The following EIF3H variants were observed in gnomAD, a reference collection of about 807,000 sequenced individuals.
The protein encoded by EIF3H is eukaryotic translation initiation factor 3 subunit H.
EIF3H carries 26 observed loss-of-function variants against 44.2 expected under a neutral mutation model. The ratio of observed to expected loss-of-function variants is 0.59; its 90% CI spans 0.43 to 0.82. EIF3H has a LOEUF of 0.82. Among genes scored for constraint, EIF3H ranks in the 40% least tolerant of loss-of-function variants. EIF3H has a pLI of 0.00. For missense variants in EIF3H, 359 were observed against 432.8 expected (o/e 0.83, Z 1.51); for synonymous variants, 166 against 151.9 (o/e 1.09, Z -0.68).
chr8:116,668,025 C>G (rs1813696115), intron 2 of EIF3H, among the ~76,000 whole-genome samples: 1 of 152,134 alleles, frequency 6.6e-6, no homozygotes, highest in Non-Finnish European at 1.5e-5. Flanking sequence ...AGTTTATTAA[C>G]CCCATCCTCA....
chr8:116,735,815 C>T (rs962093000), intron 1 of EIF3H, among the ~76,000 whole-genome samples: 7 of 148,638 alleles, frequency 4.7e-5, no homozygotes, highest in East Asian at 2.0e-4. Context: ...AAAAAAAAAA[C>T]GTAACACAGC....
At chr8:116,732,728 GC>G in intron 1 of EIF3H, among the ~76,000 whole-genome samples, 1 of 152,156 alleles carries the variant, frequency 6.6e-6, no homozygotes, top group East Asian at 1.9e-4. Context: ...CCTCTGCCAG[GC>G]CCTGGGAATA....
chr8:116,650,454 A>G (rs2130778445), intron 5 of EIF3H, among the ~76,000 whole-genome samples: 1 of 152,344 alleles, frequency 6.6e-6, no homozygotes, highest in Admixed American at 6.5e-5. Context: ...CATGTATGTT[A>G]ATAGCTACAT....
intron 2 of EIF3H, among the ~76,000 whole-genome samples, chr8:116,673,328 A>G (rs958717807): frequency 1.1e-4 from 17 of 152,218 alleles, no homozygotes; most frequent in Admixed American, 1.1e-3. Context: ...TAATATTTCA[A>G]TTACGGGGAT....
At chr8:116,734,852 T>C (rs374545129) in intron 1 of EIF3H, among the ~76,000 whole-genome samples, 206 of 152,320 alleles carry the variant, frequency 1.4e-3, no homozygotes, top group African/African-American at 4.8e-3. Flanking sequence ...TGAGCCACCA[T>C]GCCAAGCAGG....
chr8:116,685,663 T>C (rs1814063778), intron 2 of EIF3H, among the ~76,000 whole-genome samples: 1 of 152,130 alleles, frequency 6.6e-6, no homozygotes, highest in Non-Finnish European at 1.5e-5. Flanking sequence ...ACTGAGCAAG[T>C]CCAGGTGACC....
chr8:116,743,351 C>A (rs1429970178), intron 1 of EIF3H, among the ~76,000 whole-genome samples: 1 of 152,036 alleles, frequency 6.6e-6, no homozygotes, highest in African/African-American at 2.4e-5. Context: ...TACTAGAAGG[C>A]TGAGGAGGAG....
rs1300013187 is a variant in EIF3H at position 116,658,801 on chromosome 8, C to A, written c.457+12G>T. The A allele has an allele frequency of 6.2e-7, 1 of 1,602,672 alleles. No individual in the cohort carries two copies. Among genetic ancestry groups the A allele is most frequent in the Admixed American group, 1.8e-5 (1 of 56,930 alleles). On this transcript the variant is annotated intron_variant, in intron 3 of 7. Coordinates refer to ENST00000521861, the MANE Select transcript of EIF3H (RefSeq NM_003756.3). ...TATTAAGGGAAAAAAGAATAATAAA[C>A]CTCCTACTAACCATAAATGAGAACG...
At chr8:116,725,963 T>C in intron 2 of EIF3H, 53 bp downstream of exon 2, 8 of 1,567,984 alleles carry the variant, frequency 5.1e-6, no homozygotes, top group Non-Finnish European at 6.9e-6. Context: ...GAGACCTGTG[T>C]CAATATCCAT....
rs188275295 is a variant in EIF3H at position 116,761,264 on chromosome 8, C to A, written c.-27+4251G>T. On this transcript the variant is annotated intron_variant, in intron 1 of 9. Transcript: ENST00000276682. ...AGGTGGCTCACACCTGTAATCCCAG[C>A]ACTTTAGGAGGCCAAGGTGGGCAGA... 1.8e-3 allele frequency among the ~76,000 whole-genome samples: 275 copies of A among 152,294 alleles called. 1 individual carries two copies. Among genetic ancestry groups the A allele is most frequent in the Non-Finnish European group, 2.6e-3 (176 of 68,032 alleles).
intron 1 of EIF3H, among the ~76,000 whole-genome samples, chr8:116,732,074 T>C (rs1354301230): frequency 6.6e-6 from 1 of 152,204 alleles, no homozygotes; most frequent in Non-Finnish European, 1.5e-5. Flanking sequence ...TGCAAGATAG[T>C]AAACAGATGT....
At chr8:116,662,805 C>T (rs1289541055) in intron 2 of EIF3H, among the ~76,000 whole-genome samples, 1 of 152,204 alleles carries the variant, frequency 6.6e-6, no homozygotes, top group Admixed American at 6.5e-5. Context: ...TGTATTTACC[C>T]CTTTGGCCTA....
chr8:116,713,282 A>G (rs568294981), intron 2 of EIF3H, among the ~76,000 whole-genome samples: 8 of 152,262 alleles, frequency 5.3e-5, no homozygotes, highest in African/African-American at 1.9e-4. Context: ...AAATTTGAAC[A>G]GGTTTTACTT....
At chr8:116,667,103 G>C (rs1312598789) in intron 2 of EIF3H, among the ~76,000 whole-genome samples, 1 of 152,148 alleles carries the variant, frequency 6.6e-6, no homozygotes, top group African/African-American at 2.4e-5. Context: ...AACTGAAGGA[G>C]AGGCAGAGAC....
At chr8:116,684,586 A>G (rs527753980) in intron 2 of EIF3H, among the ~76,000 whole-genome samples, 1 of 152,334 alleles carries the variant, frequency 6.6e-6, no homozygotes, top group African/African-American at 2.4e-5. Flanking sequence ...AATGTTACAT[A>G]AAACTGCTAG....
chr8:116,721,413 C>T (rs1220708356), intron 2 of EIF3H, among the ~76,000 whole-genome samples: 1 of 152,242 alleles, frequency 6.6e-6, no homozygotes, highest in Non-Finnish European at 1.5e-5. Flanking sequence ...TGTAGAACCT[C>T]TGCTAGGGCA....
chr8:116,755,813 G>C lies in EIF3H; in HGVS notation c.-16C>G. 2 of 1,612,062 alleles carry C rather than the reference G, an allele frequency of 1.2e-6. No homozygotes were observed. The highest frequency in any genetic ancestry group is 1.7e-6 in the Non-Finnish European group (2 of 1,179,952). On this transcript the variant is annotated 5_prime_UTR_variant, in exon 1 of 8. Transcript: ENST00000521861. ...GGGACGCCATCTTTCCAAGCAGACA[G>C]GAAGAAAGAGAAACGTGAGTTACCG...
At chr8:116,710,738 T>C (rs1296726641) in intron 2 of EIF3H, among the ~76,000 whole-genome samples, 1 of 152,220 alleles carries the variant, frequency 6.6e-6, no homozygotes, top group East Asian at 1.9e-4. Flanking sequence ...ATGGATTATA[T>C]ATTAGATGGG....
chr8:116,740,624 T>C (rs761754858), intron 1 of EIF3H, among the ~76,000 whole-genome samples: 8 of 152,112 alleles, frequency 5.3e-5, no homozygotes, highest in Non-Finnish European at 8.8e-5. Flanking sequence ...GTCTTCTACT[T>C]GTTGTCTAGT....
Sources: gnomAD v4.1 joint callset for allele counts (sites outside exome capture counted in the v4.1 genomes callset) on GRCh38, gnomAD v4.1.1 for gene constraint, MANE v1.5 for transcripts, NCBI Gene and HGNC (gene_info 2026-07-23, HGNC 2026-07-21) for gene names.